The following TTC7B variants were observed in gnomAD, a reference collection of about 807,000 sequenced individuals.
The protein encoded by TTC7B is tetratricopeptide repeat protein 7B.
A neutral mutation model predicts 106.8 loss-of-function variants in TTC7B; 28 were observed. The observed-to-expected ratio is 0.26, with a 90% CI of 0.19 to 0.36. The LOEUF is 0.36. TTC7B is among the 10% of genes least tolerant of loss of function. The pLI, the probability that TTC7B is intolerant of heterozygous loss-of-function variation, is 1.00. For synonymous variants in TTC7B, 405 were observed against 430.6 expected (o/e 0.94, Z 0.74); for missense variants, 862 against 1,076.4 (o/e 0.80, Z 2.79).
intron 4 of TTC7B, among the ~76,000 whole-genome samples, chr14:90,731,363 T>G (rs1889321622): frequency 6.6e-6 from 1 of 152,166 alleles, no homozygotes; most frequent in Admixed American, 6.5e-5. Flanking sequence ...TTGCTGAAAG[T>G]CAGCAGCTCT....
At chr14:90,764,168 A>G (rs771224939) in intron 3 of TTC7B, among the ~76,000 whole-genome samples, 30 of 152,166 alleles carry the variant, frequency 2.0e-4, no homozygotes, top group Non-Finnish European at 3.7e-4. Flanking sequence ...ATATATGCTC[A>G]ACTAATTTTC....
chr14:90,628,413 C>T (rs566277592), intron 15 of TTC7B, among the ~76,000 whole-genome samples: 1 of 152,258 alleles, frequency 6.6e-6, no homozygotes, highest in Admixed American at 6.5e-5. Context: ...CCCCCAAGGC[C>T]CTGATTTCTC....
At chr14:90,734,388 C>A (rs1482579351) in intron 4 of TTC7B, among the ~76,000 whole-genome samples, 2 of 150,650 alleles carry the variant, frequency 1.3e-5, no homozygotes, top group Admixed American at 6.6e-5. Flanking sequence ...CCACTGCACA[C>A]CAGCCTGAGT....
rs372866481 is a variant in TTC7B at position 90,551,427 on chromosome 14, G to A, written c.2311-9838C>T. ...GGGTTCCCTGACCTGAGGAAAATGA[G>A]GACCCCACAAGAGCTCCAGCCCCTT... On this transcript the variant is annotated intron_variant, in intron 19 of 19. Coordinates refer to ENST00000328459, the MANE Select transcript of TTC7B (RefSeq NM_001010854.2). 4.4e-4 allele frequency among the ~76,000 whole-genome samples: 67 copies of A among 152,208 alleles called. 1 individual carries two copies. In the South Asian group the frequency reaches 0.012, roughly 27 times the overall value.
chr14:90,713,074 A>T (rs1322676383), intron 5 of TTC7B, among the ~76,000 whole-genome samples: 1 of 152,180 alleles, frequency 6.6e-6, no homozygotes, highest in South Asian at 2.1e-4. Flanking sequence ...AATTGAAAAC[A>T]GGGCAAAAGT....
At chr14:90,784,418 G>A (rs555902237) in intron 2 of TTC7B, among the ~76,000 whole-genome samples, 11 of 152,246 alleles carry the variant, frequency 7.2e-5, no homozygotes, top group South Asian at 6.2e-4. Flanking sequence ...TTAGCCGGGC[G>A]TGGTGGCGGG....
At chr14:90,769,904 T>C (rs113814977) in intron 3 of TTC7B, among the ~76,000 whole-genome samples, 98 of 152,314 alleles carry the variant, frequency 6.4e-4, no homozygotes, top group African/African-American at 2.3e-3. Flanking sequence ...ATCTCAGCTA[T>C]CCAGGGGGCT....
chr14:90,753,305 C>A (rs1001947348), intron 3 of TTC7B, among the ~76,000 whole-genome samples: 3 of 152,156 alleles, frequency 2.0e-5, no homozygotes, highest in Non-Finnish European at 2.9e-5. Flanking sequence ...ACTGAAAGTA[C>A]CAGAAAGCCT....
intron 17 of TTC7B, among the ~76,000 whole-genome samples, chr14:90,601,567 T>C (rs1175444407): frequency 2.6e-5 from 4 of 152,202 alleles, no homozygotes; most frequent in Non-Finnish European, 5.9e-5. Context: ...AAGTCGGTAA[T>C]CTTGATTTTA....
chr14:90,658,131 T>G (rs1259205172), intron 10 of TTC7B, 173 bp downstream of exon 10: 3 of 616,080 alleles, frequency 4.9e-6, no homozygotes, highest in Non-Finnish European at 8.6e-6. Flanking sequence ...AAGTCCATCT[T>G]GGCTCCCCAA....
intron 3 of TTC7B, among the ~76,000 whole-genome samples, chr14:90,749,494 C>T (rs1282776321): frequency 6.6e-6 from 1 of 151,252 alleles, no homozygotes; most frequent in Non-Finnish European, 1.5e-5. Flanking sequence ...CAACCTCCAC[C>T]TCCCAGGTTC....
At chr14:90,758,248 C>T (rs1022650572) in intron 3 of TTC7B, among the ~76,000 whole-genome samples, 1 of 141,510 alleles carries the variant, frequency 7.1e-6, no homozygotes, top group Non-Finnish European at 1.5e-5. Context: ...ACCACTGTCC[C>T]GGTGGCCGCG....
Position 90,781,280 on chromosome 14 carries a change from T to TA in TTC7B, c.277-375dup, listed in dbSNP as rs138264554. Among the ~76,000 whole-genome samples, 1,072 of 152,282 alleles carry TA rather than the reference T, an allele frequency of 7.0e-3. 12 individuals are homozygous for TA. The highest frequency in any genetic ancestry group is 0.024 in the African/African-American group (1,006 of 41,552). ...TCAAGTCTAGAGTTAGAAAACAGATTAGTCTTGGCTAGGAATGGGAGGTGG... is the reference window on the plus strand; with the variant it reads ...TCAAGTCTAGAGTTAGAAAACAGATTAAGTCTTGGCTAGGAATGGGAGGTGG... On this transcript the variant is annotated intron_variant, in intron 2 of 19. Coordinates refer to ENST00000328459, the MANE Select transcript of TTC7B (RefSeq NM_001010854.2).
In TTC7B at chr14:90,799,834, G is replaced by T. The variant is rs534982713; in HGVS notation, c.122-13506C>A. 3.9e-3 allele frequency among the ~76,000 whole-genome samples: 594 copies of T among 152,084 alleles called. 8 individuals are homozygous for T. The highest frequency in any genetic ancestry group is 0.014 in the African/African-American group (565 of 41,524). On this transcript the variant is annotated intron_variant, in intron 1 of 19. Coordinates refer to ENST00000328459, the MANE Select transcript of TTC7B (RefSeq NM_001010854.2). Reference sequence around the variant, plus strand: ...AAATGCTCTGATTTAAGTTTTTTTTGTTTGTTTTTTTTTGAGACGGAGTCT... The same window carrying T: ...AAATGCTCTGATTTAAGTTTTTTTTTTTTGTTTTTTTTTGAGACGGAGTCT...
rs1485135516 is a variant in TTC7B at position 90,593,546 on chromosome 14, C to T, written c.2047G>A (p.Ala683Thr). Residue 683 changes from alanine (A) to threonine (T), a missense_variant, in exon 18 of 20, where the codon GCC becomes ACC. Ala to Thr is a moderately conservative substitution (Grantham distance 58). Coordinates refer to ENST00000328459, the MANE Select transcript of TTC7B (RefSeq NM_001010854.2). ...SEVASSLQSS[A>T]PKQGPLHPWM... ...GGGTGCAGCGGGCCCTGCTTAGGGGCACTGCTCTGCAGAGACGAAGCCACT... is the reference window on the plus strand; with the variant it reads ...GGGTGCAGCGGGCCCTGCTTAGGGGTACTGCTCTGCAGAGACGAAGCCACT... 1 of 1,611,694 alleles carries T rather than the reference C, an allele frequency of 6.2e-7. No individual in the cohort carries two copies. The highest frequency in any genetic ancestry group is 8.5e-7 in the Non-Finnish European group (1 of 1,178,604).
chr14:90,708,204 G>A (rs367895290), intron 5 of TTC7B, among the ~76,000 whole-genome samples: 61 of 148,268 alleles, frequency 4.1e-4, no homozygotes, highest in African/African-American at 1.4e-3. Context: ...TGATATAGAA[G>A]CTACAGAAAG....
chr14:90,806,707 G>C (rs1057337664), intron 1 of TTC7B, among the ~76,000 whole-genome samples: 5 of 152,140 alleles, frequency 3.3e-5, no homozygotes, highest in Non-Finnish European at 7.3e-5. Flanking sequence ...AGGAGTTCGA[G>C]ACCAGCCTGG....
rs1300737130 is a variant in TTC7B at position 90,528,815 on chromosome 14, C to T, written c.*12553G>A. ...TTTCTGGTGGTGTGACCCAACTGCA[C>T]TTTGTTACCTGTTTCTGATGGTGTG... On this transcript the variant is annotated 3_prime_UTR_variant, in exon 20 of 20. Transcript: ENST00000328459. 6.7e-6 allele frequency: 1 copy of T among 149,596 alleles called. No homozygotes were observed. 9.3% of individuals were successfully genotyped at this position (149,596 alleles called of 1,614,324 possible). A position where few individuals can be genotyped will look rare whatever the true frequency, so the allele number is the denominator to read the frequency against.
intron 15 of TTC7B, 117 bp downstream of exon 15, chr14:90,643,931 A>T (rs1885307357): frequency 2.4e-6 from 3 of 1,249,500 alleles, no homozygotes; most frequent in Non-Finnish European, 3.4e-6. Context: ...AGGGGATTTT[A>T]TATTATTGAC....
Sources: gnomAD v4.1 joint callset for allele counts (sites outside exome capture counted in the v4.1 genomes callset) on GRCh38, gnomAD v4.1.1 for gene constraint, MANE v1.5 for transcripts, NCBI Gene and HGNC (gene_info 2026-07-23, HGNC 2026-07-21) for gene names.